Variants in SLIT3 observed in about 807,000 individuals in gnomAD.
SLIT3 encodes slit homolog 3 protein.
A neutral mutation model predicts 184.0 loss-of-function variants in SLIT3; 68 were observed. That is an observed-to-expected ratio of 0.37 (90% confidence interval 0.30 to 0.45). The LOEUF (loss-of-function observed/expected upper bound fraction) is 0.45. Among genes scored for constraint, SLIT3 ranks in the 20% least tolerant of loss-of-function variants. SLIT3 has a pLI of 1.00. For synonymous variants in SLIT3, 831 were observed against 828.6 expected, an observed-to-expected ratio of 1.00 and a Z score of -0.05; for missense variants, 1,707 against 2,026.0, an observed-to-expected ratio of 0.84 and a Z score of 3.02.
intron 34 of SLIT3, among the ~76,000 whole-genome samples, chr5:168,670,386 G>A (rs1761199129): frequency 6.6e-6 from 1 of 152,282 alleles, no homozygotes; most frequent in Middle Eastern, 3.4e-3. Context: ...TATGTACCAG[G>A]AATTGTGTTA....
intron 5 of SLIT3, among the ~76,000 whole-genome samples, chr5:168,865,345 T>A (rs1759260719): frequency 6.6e-6 from 1 of 152,076 alleles, no homozygotes; most frequent in African/African-American, 2.4e-5. Flanking sequence ...CAAATGCCCA[T>A]CAACAGGGGA....
chr5:168,700,547 T>G, intron 27 of SLIT3, 35 bp downstream of exon 27: 1 of 1,454,532 alleles, frequency 6.9e-7, no homozygotes, highest in Non-Finnish European at 9.7e-7. Flanking sequence ...GAGAGCAAAC[T>G]AATACAGTGA....
chr5:168,888,031 G>C (rs1193081901), intron 4 of SLIT3, among the ~76,000 whole-genome samples: 1 of 152,176 alleles, frequency 6.6e-6, no homozygotes, highest in African/African-American at 2.4e-5. Flanking sequence ...TAAAACAAGA[G>C]AGCTGGATTC....
chr5:168,904,331 G>A lies in SLIT3; in HGVS notation c.414-20995C>T, dbSNP rs189470254. Among the ~76,000 whole-genome samples the A allele has an allele frequency of 9.6e-3, 1,458 of 152,118 alleles. 10 individuals are homozygous for A. Among genetic ancestry groups the A allele is most frequent in the Non-Finnish European group, 0.014 (933 of 67,990 alleles). On this transcript the variant is annotated intron_variant, in intron 4 of 35. Coordinates refer to ENST00000519560, the MANE Select transcript of SLIT3 (RefSeq NM_003062.4). Reference sequence around the variant, plus strand: ...AGACTGGTGAGAAGGTTCCAATGGGGGGAAATAAACCAAATAGACTAATTC... The same window carrying A: ...AGACTGGTGAGAAGGTTCCAATGGGAGGAAATAAACCAAATAGACTAATTC...
At chr5:168,915,137 A>G (rs774835295) in intron 4 of SLIT3, among the ~76,000 whole-genome samples, 1 of 152,172 alleles carries the variant, frequency 6.6e-6, no homozygotes, top group East Asian at 1.9e-4. Flanking sequence ...GGTCTTTCCC[A>G]TAGTAACTGT....
intron 4 of SLIT3, among the ~76,000 whole-genome samples, chr5:169,011,394 C>T (rs1327576566): frequency 6.6e-6 from 1 of 152,152 alleles, no homozygotes; most frequent in African/African-American, 2.4e-5. Context: ...ATAGGTCTAG[C>T]TACTAAAGCT....
intron 23 of SLIT3, 104 bp downstream of exon 23, chr5:168,722,152 G>C: frequency 1.0e-6 from 1 of 968,890 alleles, no homozygotes; most frequent in Admixed American, 1.9e-5. Context: ...GTGTTTGGGG[G>C]TGGAGTGGGC....
intron 4 of SLIT3, among the ~76,000 whole-genome samples, chr5:168,983,281 C>T (rs1053052893): frequency 4.6e-5 from 7 of 152,320 alleles, no homozygotes; most frequent in Admixed American, 3.3e-4. Flanking sequence ...CAAGCTTTAT[C>T]CCCCAGGTAA....
chr5:169,100,066 A>G (rs1759949550), intron 4 of SLIT3, among the ~76,000 whole-genome samples: 1 of 152,202 alleles, frequency 6.6e-6, no homozygotes, highest in Admixed American at 6.5e-5. Flanking sequence ...TCACCCTGCC[A>G]AGCCTCTCTC....
At chr5:168,737,472 T>A (rs568419631) in intron 20 of SLIT3, among the ~76,000 whole-genome samples, 3 of 151,594 alleles carry the variant, frequency 2.0e-5, no homozygotes, top group African/African-American at 7.3e-5. Flanking sequence ...CACACACACA[T>A]GCACATGCAT....
At chr5:168,903,206 T>G (rs1021562929) in intron 4 of SLIT3, among the ~76,000 whole-genome samples, 3 of 152,210 alleles carry the variant, frequency 2.0e-5, no homozygotes, top group Non-Finnish European at 2.9e-5. Flanking sequence ...TCTCACCATA[T>G]GCCTCTTCCT....
rs372131552 is a variant in SLIT3 at position 169,135,364 on chromosome 5, G to A, written c.413+58115C>T. On this transcript the variant is annotated intron_variant, in intron 4 of 35. Coordinates refer to ENST00000519560, the MANE Select transcript of SLIT3 (RefSeq NM_003062.4). The stretch of plus-strand genomic sequence containing the variant: ...TGCCCTCAGGTGATCTGCCTGCCTC[G>A]GCCTCCCAAAGTGCTGGGATTACAT... Among the ~76,000 whole-genome samples, 22 of 152,166 alleles carry A rather than the reference G, an allele frequency of 1.4e-4. No individual in the cohort carries two copies. The East Asian group carries it at 3.1e-3, about 21-fold the overall frequency.
intron 4 of SLIT3, among the ~76,000 whole-genome samples, chr5:169,041,600 T>A (rs1036950170): frequency 6.6e-6 from 1 of 152,188 alleles, no homozygotes; most frequent in Non-Finnish European, 1.5e-5. Context: ...CTTTCCCCAA[T>A]GCAGTTATAT....
intron 4 of SLIT3, among the ~76,000 whole-genome samples, chr5:168,995,170 C>T (rs1361958092): frequency 6.6e-6 from 1 of 151,970 alleles, no homozygotes; most frequent in Non-Finnish European, 1.5e-5. Context: ...ACGCATATTG[C>T]ACCTTCAGAT....
At chr5:168,773,663 C>T (rs905457550) in intron 13 of SLIT3, among the ~76,000 whole-genome samples, 7 of 152,106 alleles carry the variant, frequency 4.6e-5, no homozygotes, top group Non-Finnish European at 1.0e-4. Context: ...GGGCTGAAAT[C>T]TGTACTTGGA....
intron 11 of SLIT3, among the ~76,000 whole-genome samples, chr5:168,787,635 A>AT (rs1278345921): frequency 1.3e-5 from 2 of 151,646 alleles, no homozygotes; most frequent in Non-Finnish European, 2.9e-5. Flanking sequence ...TTTAATTTTA[A>AT]TTTTTTCTGC....
chr5:168,811,581 G>A lies in SLIT3; in HGVS notation c.794-4994C>T, dbSNP rs560198334. The stretch of plus-strand genomic sequence containing the variant: ...AGGGACTGAGACACAGGTTGTGTAA[G>A]CTACACTAGAGATGATCAAACACTG... On this transcript the variant is annotated intron_variant, in intron 8 of 35. Transcript: ENST00000519560. 1.7e-3 allele frequency among the ~76,000 whole-genome samples: 253 copies of A among 152,286 alleles called. 1 individual carries two copies. Among genetic ancestry groups the A allele is most frequent in the Non-Finnish European group, 7.9e-4 (54 of 68,020 alleles).
chr5:168,828,658 C>CAAAAAAAAAAAAAAAAAAAAA (rs56974958), intron 6 of SLIT3, among the ~76,000 whole-genome samples: 56 of 97,032 alleles, frequency 5.8e-4, no homozygotes, highest in African/African-American at 1.5e-3. Flanking sequence ...GATCCTGACT[C>CAAAAAAAAAAAAAAAAAAAAA]AAAAAAAAAA....
chr5:168,824,771 C>T (rs1757645214), intron 6 of SLIT3, among the ~76,000 whole-genome samples: 1 of 152,214 alleles, frequency 6.6e-6, no homozygotes, highest in Admixed American at 6.5e-5. Flanking sequence ...ACATCCCTTA[C>T]TCAACAATCC....
Sources: gnomAD v4.1 joint callset for allele counts (sites outside exome capture counted in the v4.1 genomes callset) on GRCh38, gnomAD v4.1.1 for gene constraint, MANE v1.5 for transcripts, NCBI Gene and HGNC (gene_info 2026-07-23, HGNC 2026-07-21) for gene names.